Variants in PHLPP2 observed in about 807,000 individuals in gnomAD.
PHLPP2 encodes PH domain leucine-rich repeat-containing protein phosphatase 2.
PHLPP2 carries 66 observed loss-of-function variants against 124.9 expected under a neutral mutation model. The observed-to-expected ratio is 0.53, with a 90% CI of 0.43 to 0.65. The LOEUF (loss-of-function observed/expected upper bound fraction) is 0.65. Ranked by LOEUF, PHLPP2 falls within the 30% of genes least tolerant of loss-of-function variation. PHLPP2 has a pLI of 0.00. For missense variants in PHLPP2, 1,685 were observed against 1,600.4 expected, an observed-to-expected ratio of 1.05 and a Z score of -0.90; for synonymous variants, 681 against 624.7, an observed-to-expected ratio of 1.09 and a Z score of -1.34.
At position 71,658,790 on chromosome 16, in the gene PHLPP2, C is replaced by T. The variant is rs992258242; in HGVS notation, c.2011G>A (p.Glu671Lys). Residue 671 changes from glutamate to lysine, a missense_variant, in exon 14 of 19, where the codon GAG becomes AAG. Transcript: ENST00000568954. ...ASKLNKLEQL[E>K]ELNLSGNKLK... ...TTGTTGCCACTTAGGTTCAGTTCCT[C>T]CAATTGCTCCAATTTATTTAGTTTG... 2.5e-6 allele frequency: 4 copies of T among 1,614,078 alleles called. No individual in the cohort carries two copies. Among genetic ancestry groups the T allele is most frequent in the Non-Finnish European group, 3.4e-6 (4 of 1,179,998 alleles).
At chr16:71,677,516 T>C (rs1007006723) in intron 8 of PHLPP2, 2 of 139,354 alleles carry the variant, frequency 1.4e-5, no homozygotes, top group African/African-American at 2.7e-5. Context: ...AGGCAAATTA[T>C]AGAAAATGAC....
chr16:71,655,218 A>G, intron 17 of PHLPP2, 22 bp downstream of exon 17: 2 of 1,563,020 alleles, frequency 1.3e-6, no homozygotes, highest in African/African-American at 1.4e-5. Context: ...TGAGTTAGGG[A>G]TTTTTCAACC....
chr16:71,721,900 A>C (rs2145392201), intron 1 of PHLPP2, among the ~76,000 whole-genome samples: 1 of 152,366 alleles, frequency 6.6e-6, no homozygotes, highest in Middle Eastern at 3.4e-3. Context: ...AACTGGATCT[A>C]GTCTGGCTAA....
chr16:71,694,205 TAA>T (rs1213219803), intron 3 of PHLPP2, among the ~76,000 whole-genome samples: 7 of 146,464 alleles, frequency 4.8e-5, no homozygotes, highest in Middle Eastern at 3.7e-3. Flanking sequence ...AATAATAAAA[TAA>T]AATAAAATAA....
chr16:71,704,338 A>T (rs1288804299), intron 2 of PHLPP2, among the ~76,000 whole-genome samples: 1 of 151,082 alleles, frequency 6.6e-6, no homozygotes, highest in Non-Finnish European at 1.5e-5. Context: ...TAATAATTAT[A>T]GTATTAATAA....
intron 3 of PHLPP2, among the ~76,000 whole-genome samples, chr16:71,693,673 G>C (rs1163007765): frequency 6.6e-6 from 1 of 152,130 alleles, no homozygotes; most frequent in Non-Finnish European, 1.5e-5. Context: ...AAACAATCTG[G>C]ACTCAAATTA....
chr16:71,711,451 C>G (rs2045323740), intron 2 of PHLPP2, among the ~76,000 whole-genome samples: 1 of 151,980 alleles, frequency 6.6e-6, no homozygotes, highest in African/African-American at 2.4e-5. Context: ...GAAAAAAGAT[C>G]TGGGTAAAAA....
chr16:71,656,777 T>C (rs1378697349), intron 15 of PHLPP2, 96 bp from the exon 16 acceptor site: 7 of 701,356 alleles, frequency 1.0e-5, no homozygotes, highest in Non-Finnish European at 1.7e-5. Flanking sequence ...TGAGATGGAG[T>C]CTCCCTCTTG....
At chr16:71,711,555 C>T (rs2045324350) in intron 2 of PHLPP2, among the ~76,000 whole-genome samples, 1 of 152,200 alleles carries the variant, frequency 6.6e-6, no homozygotes, top group Non-Finnish European at 1.5e-5. Flanking sequence ...GCCGATTGCA[C>T]TTAGATGAGA....
intron 8 of PHLPP2, 108 bp from the exon 9 acceptor site, chr16:71,676,757 T>G: frequency 1.3e-6 from 1 of 783,948 alleles, no homozygotes; most frequent in African/African-American, 1.8e-5. Flanking sequence ...TCTGTTTACT[T>G]TTTTTTTTTG....
At chr16:71,659,120 G>A (rs903679144) in intron 13 of PHLPP2, among the ~76,000 whole-genome samples, 24 of 152,106 alleles carry the variant, frequency 1.6e-4, no homozygotes, top group African/African-American at 5.8e-4. Flanking sequence ...CTCAAGTTGG[G>A]GGATTAGTCT....
intron 15 of PHLPP2, 88 bp downstream of exon 15, chr16:71,658,145 A>T: frequency 9.0e-7 from 1 of 1,108,706 alleles, no homozygotes; most frequent in Non-Finnish European, 1.3e-6. Flanking sequence ...TCTTTTAATT[A>T]ATCAAGATCT....
chr16:71,694,124 G>A (rs2045142975), intron 3 of PHLPP2, among the ~76,000 whole-genome samples: 1 of 152,172 alleles, frequency 6.6e-6, no homozygotes, highest in Non-Finnish European at 1.5e-5. Context: ...CACCAGGGAG[G>A]TAGAAGCTGC....
At chr16:71,664,323 G>A in intron 12 of PHLPP2, 1 of 572,268 alleles carries the variant, frequency 1.7e-6, no homozygotes, top group Non-Finnish European at 3.1e-6. Context: ...TACAAGCCTG[G>A]TTGTTTTCCC....
chr16:71,687,934 C>T lies in PHLPP2; in HGVS notation c.609+2585G>A, dbSNP rs531143596. On this transcript the variant is annotated intron_variant, in intron 4 of 18. Coordinates refer to ENST00000568954, the MANE Select transcript of PHLPP2 (RefSeq NM_015020.3). Reference sequence around the variant, plus strand: ...AATTCTTCAGTACATCAGTTAATTACATTCAGCTACTAAACAGTGGCTTAA... The same window carrying T: ...AATTCTTCAGTACATCAGTTAATTATATTCAGCTACTAAACAGTGGCTTAA... Among the ~76,000 whole-genome samples, 6 of 152,254 alleles carry T rather than the reference C, an allele frequency of 3.9e-5. No individual in the cohort carries two copies. In the East Asian group the frequency reaches 9.6e-4, roughly 24 times the overall value.
intron 12 of PHLPP2, 23 bp from the exon 13 acceptor site, chr16:71,664,122 T>C: frequency 6.5e-7 from 1 of 1,527,356 alleles, no homozygotes; most frequent in South Asian, 1.1e-5. Context: ...ACACAGATCA[T>C]CACCTCCTTT....
intron 13 of PHLPP2, among the ~76,000 whole-genome samples, chr16:71,661,640 TA>T (rs916284829): frequency 5.0e-4 from 75 of 150,590 alleles, no homozygotes; most frequent in African/African-American, 1.3e-3. Context: ...TAGAAGTCAT[TA>T]AAAAAAAATG....
At chr16:71,716,775 A>T (rs544452277) in intron 1 of PHLPP2, among the ~76,000 whole-genome samples, 1 of 152,324 alleles carries the variant, frequency 6.6e-6, no homozygotes, top group South Asian at 2.1e-4. Context: ...CACCTTCTCT[A>T]TGGAGCCTTC....
intron 3 of PHLPP2, among the ~76,000 whole-genome samples, chr16:71,693,811 C>T (rs986794058): frequency 6.6e-6 from 1 of 152,192 alleles, no homozygotes; most frequent in East Asian, 1.9e-4. Flanking sequence ...ACAAAGACTT[C>T]CCCCAATTTC....
Sources: gnomAD v4.1 joint callset for allele counts (sites outside exome capture counted in the v4.1 genomes callset) on GRCh38, gnomAD v4.1.1 for gene constraint, MANE v1.5 for transcripts, NCBI Gene and HGNC (gene_info 2026-07-23, HGNC 2026-07-21) for gene names.